The following BUD13 variants were observed in gnomAD, a reference collection of about 807,000 sequenced individuals.
BUD13 encodes BUD13 spliceosome associated protein.
A neutral mutation model predicts 62.5 loss-of-function variants in BUD13; 47 were observed. The observed-to-expected ratio is 0.75, with a 90% CI of 0.60 to 0.96. The LOEUF is 0.96. Among genes scored for constraint, BUD13 ranks in the 40% least tolerant of loss-of-function variants. The probability of loss-of-function intolerance (pLI) is 0.00; values close to 1 mark genes in which losing one functional copy is unlikely to be tolerated. For missense variants in BUD13, 821 were observed against 790.9 expected (o/e 1.04, Z -0.46); for synonymous variants, 293 against 280.1 (o/e 1.05, Z -0.46).
intron 5 of BUD13, 64 bp from the exon 6 acceptor site, chr11:116,759,243 A>G (rs1940389242): frequency 5.0e-5 from 57 of 1,138,576 alleles, no homozygotes; most frequent in South Asian, 2.4e-4. Flanking sequence ...CTCCATGGGT[A>G]CACAGTTAGT....
rs1383808594 is a variant in BUD13, at chr11:116,758,415, G to A, written c.1361-8C>T. 1.2e-6 allele frequency: 2 copies of A among 1,613,552 alleles called. No homozygotes were observed. Among genetic ancestry groups the A allele is most frequent in the East Asian group, 4.5e-5 (2 of 44,876 alleles). On this transcript the variant is annotated splice_polypyrimidine_tract_variant and splice_region_variant and intron_variant, in intron 6 of 9. Coordinates refer to ENST00000260210, the MANE Select transcript of BUD13 (RefSeq NM_032725.4). ...CAGCATATTGAAATTCAGCTGCAAA[G>A]GAAAATTATACTCAAATATCAGGAT...
intron 3 of BUD13, among the ~76,000 whole-genome samples, chr11:116,763,603 T>C (rs1174788306): frequency 6.6e-6 from 1 of 152,130 alleles, no homozygotes; most frequent in Non-Finnish European, 1.5e-5. Flanking sequence ...GAGTGATTTC[T>C]TACCTAAGGT....
intron 1 of BUD13, among the ~76,000 whole-genome samples, chr11:116,770,646 T>A (rs1940611072): frequency 6.6e-6 from 1 of 151,752 alleles, no homozygotes. Context: ...AGGCGACCAC[T>A]GCCACGCCTG....
chr11:116,750,551 C>T (rs1940215034), intron 9 of BUD13, among the ~76,000 whole-genome samples: 1 of 152,112 alleles, frequency 6.6e-6, no homozygotes, highest in South Asian at 2.1e-4. Context: ...GCAAACAGGT[C>T]CCACCAGCTC....
intron 2 of BUD13, among the ~76,000 whole-genome samples, chr11:116,768,401 T>A (rs2134184796): frequency 6.6e-6 from 1 of 152,270 alleles, no homozygotes; most frequent in Admixed American, 6.5e-5. Context: ...TGATCCCAAT[T>A]ATGTTCAAAA....
At chr11:116,763,906 T>C (rs1470985028) in intron 3 of BUD13, among the ~76,000 whole-genome samples, 1 of 152,220 alleles carries the variant, frequency 6.6e-6, no homozygotes, top group Non-Finnish European at 1.5e-5. Flanking sequence ...AATCACCTAC[T>C]GTGTGCCAGT....
intron 9 of BUD13, among the ~76,000 whole-genome samples, chr11:116,755,051 T>C (rs142205163): frequency 6.6e-6 from 1 of 152,296 alleles, no homozygotes; most frequent in Non-Finnish European, 1.5e-5. Context: ...CTGTGGTGAA[T>C]CCAATGTTGC....
Position 116,748,332 on chromosome 11 carries a change from C to T in BUD13, c.*150G>A. On this transcript the variant is annotated 3_prime_UTR_variant, in exon 10 of 10. Coordinates refer to ENST00000260210, the MANE Select transcript of BUD13 (RefSeq NM_032725.4). ...AGGTACCTCAGTCCAAACATCAGGT[C>T]TCGAATATTCTTCTGTGGTCAAAAC... is the stretch of plus-strand genomic sequence containing the variant. The T allele has an allele frequency of 1.5e-6, 1 of 657,018 alleles. No homozygotes were observed. The highest frequency in any genetic ancestry group is 2.7e-6 in the Non-Finnish European group (1 of 374,462). 40.7% of individuals were successfully genotyped at this position (657,018 alleles called of 1,614,324 possible).
At position 116,760,798 on chromosome 11, in the gene BUD13, C is replaced by G. The variant is rs1375931598; in HGVS notation, c.1191G>C (p.Gln397His). ...DSDLSPPRRR[Q>H]RTKSSDSDLS... ...GGTCAGAATCAGAAGATTTGGTCCT[C>G]TGTCTCCTCCTTGGTGGAGAGAGGT... The change falls in exon 5 of 10, where the codon CAG (glutamine) becomes CAC (histidine). Residue 397 changes from glutamine (Q) to histidine (H), a missense_variant. By Grantham distance (24) the Gln-to-His change is conservative. This residue lies in a region of BUD13 where 800 missense variants were observed against 739.2 expected (regional missense o/e 1.08). Transcript: ENST00000260210. 3 of 1,614,066 alleles carry G rather than the reference C, an allele frequency of 1.9e-6. No homozygotes were observed. Among genetic ancestry groups the G allele is most frequent in the Admixed American group, 1.7e-5 (1 of 59,998 alleles).
intron 1 of BUD13, among the ~76,000 whole-genome samples, chr11:116,771,559 A>G (rs1301352513): frequency 6.6e-6 from 1 of 152,202 alleles, no homozygotes; most frequent in Non-Finnish European, 1.5e-5. Flanking sequence ...AGATAAGGAA[A>G]CTGCAGCTCA....
rs769257470 is a variant in BUD13 at position 116,760,959 on chromosome 11, A to G, written c.1037-7T>C. On this transcript the variant is annotated splice_region_variant and splice_polypyrimidine_tract_variant and intron_variant, in intron 4 of 9. Transcript: ENST00000260210. Reference sequence around the variant, plus strand: ...GTTGCTTTCTGGCAGTCACCTGGATAGGAGCAAAGAATCTGTGTGACTCTG... The same window carrying G: ...GTTGCTTTCTGGCAGTCACCTGGATGGGAGCAAAGAATCTGTGTGACTCTG... 1.2e-6 allele frequency: 2 copies of G among 1,612,930 alleles called. No individual in the cohort carries two copies. Among genetic ancestry groups the G allele is most frequent in the Non-Finnish European group, 1.7e-6 (2 of 1,179,104 alleles).
At chr11:116,764,105 T>C (rs1940486311) in intron 3 of BUD13, among the ~76,000 whole-genome samples, 1 of 152,232 alleles carries the variant, frequency 6.6e-6, no homozygotes, top group Non-Finnish European at 1.5e-5. Context: ...ATCTTTAAAA[T>C]ATGTAAAGCT....
chr11:116,748,293 C>A lies in BUD13; in HGVS notation c.*189G>T. The stretch of plus-strand genomic sequence containing the variant: ...AAGCCAGCAACAGCCGGTGCTGTCA[C>A]ACCCAAGAAGTACAGGTACCTCAGT... On this transcript the variant is annotated 3_prime_UTR_variant, in exon 10 of 10. Transcript: ENST00000260210. 1 of 533,952 alleles carries A rather than the reference C, an allele frequency of 1.9e-6. No homozygotes were observed. Among genetic ancestry groups the A allele is most frequent in the Non-Finnish European group, 3.3e-6 (1 of 300,010 alleles). 33.1% of individuals were successfully genotyped at this position (533,952 alleles called of 1,614,324 possible).
intron 2 of BUD13, among the ~76,000 whole-genome samples, chr11:116,767,350 T>C (rs911907002): frequency 4.6e-5 from 7 of 151,856 alleles, no homozygotes; most frequent in Admixed American, 1.3e-4. Context: ...TCCCAGCACT[T>C]TGGGAGGCCG....
intron 9 of BUD13, 52 bp downstream of exon 9, chr11:116,757,094 G>A: frequency 3.3e-6 from 5 of 1,531,230 alleles, no homozygotes; most frequent in South Asian, 2.2e-5. Context: ...ACTTACGAGT[G>A]GTTAGGGAAG....
At chr11:116,757,112 T>A (rs779248734) in intron 9 of BUD13, 34 bp downstream of exon 9, 2 of 1,596,092 alleles carry the variant, frequency 1.3e-6, no homozygotes, top group East Asian at 2.2e-5. Flanking sequence ...AAGGTTACAG[T>A]CAGGTAGAAA....
intron 9 of BUD13, among the ~76,000 whole-genome samples, chr11:116,750,874 G>A (rs1168446797): frequency 5.3e-5 from 8 of 152,000 alleles, no homozygotes; most frequent in Non-Finnish European, 1.0e-4. Flanking sequence ...TCCATCTCAC[G>A]CTTTATGCTA....
intron 3 of BUD13, among the ~76,000 whole-genome samples, chr11:116,763,476 T>C (rs192547691): frequency 1.8e-4 from 28 of 152,264 alleles, no homozygotes; most frequent in Non-Finnish European, 3.5e-4. Flanking sequence ...AGTCATAAAT[T>C]TGCAAAGCAT....
chr11:116,753,067 A>G (rs765075927), intron 9 of BUD13, among the ~76,000 whole-genome samples: 1 of 152,246 alleles, frequency 6.6e-6, no homozygotes, highest in Non-Finnish European at 1.5e-5. Flanking sequence ...AAACCTAGAC[A>G]AAACAAAAAA....
Sources: gnomAD v4.1 joint callset for allele counts (sites outside exome capture counted in the v4.1 genomes callset) on GRCh38, gnomAD v4.1.1 for gene constraint, gnomAD v4.1.1 regional missense constraint, MANE v1.5 for transcripts, NCBI Gene and HGNC (gene_info 2026-07-23, HGNC 2026-07-21) for gene names.